Variants in LRPPRC observed in about 807,000 individuals in gnomAD.
LRPPRC encodes the protein leucine rich pentatricopeptide repeat containing, also known as leucine-rich PPR motif-containing protein, mitochondrial.
A neutral mutation model predicts 180.3 loss-of-function variants in LRPPRC; 120 were observed. The ratio of observed to expected loss-of-function variants is 0.67; its 90% CI spans 0.57 to 0.77. The LOEUF is 0.77. Ranked by LOEUF, LRPPRC falls within the 30% of genes least tolerant of loss-of-function variation. The pLI is 0.00. For missense variants in LRPPRC, 2,012 were observed against 1,657.2 expected (o/e 1.21, Z -3.72); for synonymous variants, 723 against 600.0 (o/e 1.21, Z -3.00).
chr2:43,890,347 A>C (rs896365574), intron 36 of LRPPRC: 2 of 470,316 alleles, frequency 4.3e-6, no homozygotes, highest in African/African-American at 4.0e-5. Context: ...CAACATCAAA[A>C]AAGCTTTTCA....
chr2:43,949,955 G>C (rs1672836247), intron 15 of LRPPRC, among the ~76,000 whole-genome samples: 1 of 152,150 alleles, frequency 6.6e-6, no homozygotes, highest in South Asian at 2.1e-4. Context: ...CACTCTGAAT[G>C]AACTGTTATA....
chr2:43,987,971 C>T (rs548658394), intron 1 of LRPPRC, among the ~76,000 whole-genome samples: 4 of 152,012 alleles, frequency 2.6e-5, no homozygotes, highest in South Asian at 2.1e-4. Context: ...GGGCCAGGCA[C>T]GGTAGCTCAA....
At chr2:43,995,743 G>A (rs1675024032) in intron 1 of LRPPRC, 56 bp downstream of exon 1, 2 of 1,340,276 alleles carry the variant, frequency 1.5e-6, no homozygotes, top group South Asian at 1.9e-5. Flanking sequence ...CGGCACCCAC[G>A]ACCCCGGGGG....
intron 36 of LRPPRC, among the ~76,000 whole-genome samples, chr2:43,892,951 G>A (rs986960168): frequency 1.3e-5 from 2 of 152,118 alleles, no homozygotes; most frequent in African/African-American, 4.8e-5. Context: ...TTGATAGGAG[G>A]TCAAATTATC....
At position 43,934,869 on chromosome 2, in the gene LRPPRC, T is replaced by C. The variant is rs369815413; in HGVS notation, c.2514A>G (p.Leu838=). ...LVTVHLEKGD[L]STALEVAIDC... is the part of the protein sequence containing the mutation. ...CAATGGCGACCTCAAGAGCAGTAGA[T>C]AGGTCGCCCCTTAGAAACAAAAAAA... The change falls in exon 24 of 38, where the codon CTA becomes CTG. Residue 838 remains leucine (L), a synonymous_variant. Coordinates refer to ENST00000260665, the MANE Select transcript of LRPPRC (RefSeq NM_133259.4). 7.7e-5 allele frequency: 124 copies of C among 1,613,048 alleles called. No individual in the cohort carries two copies. Among genetic ancestry groups the C allele is most frequent in the Non-Finnish European group, 1.0e-4 (118 of 1,179,252 alleles).
chr2:43,899,198 C>G (rs1670799005), intron 34 of LRPPRC, 21 bp downstream of exon 34: 1 of 1,544,826 alleles, frequency 6.5e-7, no homozygotes, highest in Non-Finnish European at 9.0e-7. Context: ...CCCCACTGCT[C>G]CATGAGTGGA....
At chr2:43,956,809 G>T (rs955267920) in intron 14 of LRPPRC, among the ~76,000 whole-genome samples, 18 of 152,108 alleles carry the variant, frequency 1.2e-4, no homozygotes, top group African/African-American at 4.1e-4. Context: ...AAAATCACCT[G>T]AACCCAGGAG....
intron 12 of LRPPRC, among the ~76,000 whole-genome samples, chr2:43,962,855 C>A (rs1302478888): frequency 6.6e-6 from 1 of 151,962 alleles, no homozygotes; most frequent in Non-Finnish European, 1.5e-5. Flanking sequence ...GCCTATAATC[C>A]CAGCTACTCA....
At chr2:43,928,047 A>G (rs1456952853) in intron 25 of LRPPRC, among the ~76,000 whole-genome samples, 3 of 152,242 alleles carry the variant, frequency 2.0e-5, no homozygotes, top group African/African-American at 7.2e-5. Flanking sequence ...TGTTAATTAA[A>G]CTCATATTTA....
At chr2:43,945,614 AAAGCCC>A (rs1173944278) in intron 21 of LRPPRC, among the ~76,000 whole-genome samples, 197 bp from the exon 22 acceptor site, 1 of 152,108 alleles carries the variant, frequency 6.6e-6, no homozygotes, top group Non-Finnish European at 1.5e-5. Flanking sequence ...TAGTGAAGTA[AAAGCCC>A]AACACTACAT....
intron 23 of LRPPRC, among the ~76,000 whole-genome samples, chr2:43,941,992 A>G (rs1672499208): frequency 6.6e-6 from 1 of 152,138 alleles, no homozygotes; most frequent in African/African-American, 2.4e-5. Flanking sequence ...GCCAAATTTG[A>G]CTGAGACACA....
rs78815559 is a variant in LRPPRC at position 43,979,374 on chromosome 2, C to G, written c.469+452G>C. Among the ~76,000 whole-genome samples the G allele has an allele frequency of 2.8e-3, 423 of 152,242 alleles. 5 individuals carry two copies. Among genetic ancestry groups the G allele is most frequent in the East Asian group, 0.02 (104 of 5,186 alleles). Reference sequence around the variant, plus strand: ...TTCTTCATTTCTTAAAACAGTTACACAGTAATCTATTTTACGGGTACTCCA... The same window carrying G: ...TTCTTCATTTCTTAAAACAGTTACAGAGTAATCTATTTTACGGGTACTCCA... On this transcript the variant is annotated intron_variant, in intron 3 of 37. Coordinates refer to ENST00000260665, the MANE Select transcript of LRPPRC (RefSeq NM_133259.4).
In LRPPRC at chr2:43,950,618, G is replaced by T. The variant is rs1553404839; in HGVS notation, c.1650-18C>A. On this transcript the variant is annotated intron_variant, in intron 14 of 37. Coordinates refer to ENST00000260665, the MANE Select transcript of LRPPRC (RefSeq NM_133259.4). Reference sequence around the variant, plus strand: ...TCATAGACCTGCAGAGGGCAGCAAAGGATCGAAAATAAACCCAGGTTTATT... The same window carrying T: ...TCATAGACCTGCAGAGGGCAGCAAATGATCGAAAATAAACCCAGGTTTATT... The T allele has an allele frequency of 6.2e-7, 1 of 1,610,616 alleles. No individual in the cohort carries two copies. The highest frequency in any genetic ancestry group is 8.5e-7 in the Non-Finnish European group (1 of 1,176,974).
intron 30 of LRPPRC, among the ~76,000 whole-genome samples, chr2:43,911,021 G>A (rs969491372): frequency 2.0e-5 from 3 of 151,810 alleles, no homozygotes; most frequent in Non-Finnish European, 4.4e-5. Flanking sequence ...GGGATGGAGA[G>A]TTTCATAATT....
rs1672741040 is a variant in LRPPRC, at chr2:43,947,725, A to G, written c.1965+6T>C. 8.5e-6 allele frequency: 13 copies of G among 1,536,214 alleles called. No individual in the cohort carries two copies. The highest frequency in any genetic ancestry group is 1.2e-5 in the Non-Finnish European group (13 of 1,109,528). ...GCATGTAGAATCTAGTCAAAATCCT[A>G]CTTACTTTTTGAAAGTCTAAATTCT... On this transcript the variant is annotated splice_donor_region_variant and intron_variant, in intron 19 of 37. Transcript: ENST00000260665.
At chr2:43,979,747 T>C in intron 3 of LRPPRC, 79 bp downstream of exon 3, 1 of 1,274,260 alleles carries the variant, frequency 7.8e-7, no homozygotes, top group Non-Finnish European at 1.1e-6. Context: ...ATTACAGCAT[T>C]TATGTAAACA....
chr2:43,920,879 C>T lies in LRPPRC; in HGVS notation c.2897-2481G>A, dbSNP rs76339549. On this transcript the variant is annotated intron_variant, in intron 27 of 37. Transcript: ENST00000260665. The stretch of plus-strand genomic sequence containing the variant: ...AAGGTGGGTGGATAATCTACAACTC[C>T]GTGCCTTTAGGCTGCAAGAATTCTG... Among the ~76,000 whole-genome samples, 1,404 of 152,180 alleles carry T rather than the reference C, an allele frequency of 9.2e-3. 20 individuals carry two copies. Among genetic ancestry groups the T allele is most frequent in the African/African-American group, 0.032 (1,327 of 41,498 alleles).
At chr2:43,941,270 ATCTT>A (rs892424953) in intron 23 of LRPPRC, among the ~76,000 whole-genome samples, 6 of 152,204 alleles carry the variant, frequency 3.9e-5, no homozygotes, top group Non-Finnish European at 8.8e-5. Flanking sequence ...TAAAGAGATT[ATCTT>A]TCTAAGGAAC....
At chr2:43,962,703 G>C (rs1673398692) in intron 12 of LRPPRC, among the ~76,000 whole-genome samples, 1 of 152,096 alleles carries the variant, frequency 6.6e-6, no homozygotes, top group African/African-American at 2.4e-5. Flanking sequence ...ACTTCTGGTA[G>C]AAAAACAAAG....
Sources: gnomAD v4.1 joint callset for allele counts (sites outside exome capture counted in the v4.1 genomes callset) on GRCh38, gnomAD v4.1.1 for gene constraint, MANE v1.5 for transcripts, NCBI Gene and HGNC (gene_info 2026-07-23, HGNC 2026-07-21) for gene names.